The following PTCHD4 variants were observed in gnomAD, a reference collection of about 807,000 sequenced individuals.
The protein encoded by PTCHD4 is patched domain containing 4, also known as patched domain-containing protein 4.
PTCHD4 carries 33 observed loss-of-function variants against 58.1 expected under a neutral mutation model. That is an observed-to-expected ratio of 0.57 (90% CI 0.43 to 0.76). The LOEUF (loss-of-function observed/expected upper bound fraction) is 0.76. Ranked by LOEUF, PTCHD4 falls within the 30% of genes least tolerant of loss-of-function variation. PTCHD4 has a pLI of 0.00. For synonymous variants in PTCHD4, 478 were observed against 409.6 expected, an observed-to-expected ratio of 1.17 and a Z score of -2.02; for missense variants, 1,058 against 1,027.1, an observed-to-expected ratio of 1.03 and a Z score of -0.41.
chr6:48,092,267 A>G (rs2113903477), intron 1 of PTCHD4, among the ~76,000 whole-genome samples: 1 of 152,354 alleles, frequency 6.6e-6, no homozygotes, highest in Middle Eastern at 3.4e-3. Flanking sequence ...TATTATCCCT[A>G]GATGGTGTGG....
intron 4 of PTCHD4, among the ~76,000 whole-genome samples, chr6:48,004,596 A>G (rs1262630688): frequency 6.6e-6 from 1 of 152,192 alleles, no homozygotes; most frequent in Non-Finnish European, 1.5e-5. Flanking sequence ...TTAGGCTAGC[A>G]CTAAATGAGG....
chr6:47,885,152 A>G (rs1299122294), intron 4 of PTCHD4, among the ~76,000 whole-genome samples: 1 of 152,220 alleles, frequency 6.6e-6, no homozygotes, highest in Admixed American at 6.5e-5. Context: ...GATGACTAAT[A>G]TTTCCTTTAG....
intron 4 of PTCHD4, chr6:47,901,385 T>C: frequency 1.1e-6 from 1 of 935,960 alleles, no homozygotes; most frequent in Non-Finnish European, 1.3e-6. Context: ...AAGTGTTCAT[T>C]ACTCTTTCCT....
At chr6:47,960,600 C>T (rs1767046018) in intron 4 of PTCHD4, among the ~76,000 whole-genome samples, 1 of 151,822 alleles carries the variant, frequency 6.6e-6, no homozygotes, top group Admixed American at 6.6e-5. Context: ...AAGAATACCA[C>T]CAGGAATAAT....
intron 3 of PTCHD4, among the ~76,000 whole-genome samples, chr6:48,050,629 AT>A: frequency 6.6e-6 from 1 of 152,146 alleles, no homozygotes; most frequent in Admixed American, 6.6e-5. Context: ...CATGCACATT[AT>A]TTGGAGCAGG....
At chr6:48,065,297 A>C (rs2113874568) in intron 3 of PTCHD4, among the ~76,000 whole-genome samples, 1 of 152,274 alleles carries the variant, frequency 6.6e-6, no homozygotes, top group East Asian at 1.9e-4. Flanking sequence ...TTATTCTGCA[A>C]TTTCCTAATT....
intron 4 of PTCHD4, among the ~76,000 whole-genome samples, chr6:47,932,030 A>G (rs11754831): frequency 6.7e-6 from 1 of 150,190 alleles, no homozygotes; most frequent in Non-Finnish European, 1.5e-5. Flanking sequence ...ACTTGTATGC[A>G]CCATGGGGAC....
At chr6:48,045,392 C>A (rs1763998565) in intron 3 of PTCHD4, among the ~76,000 whole-genome samples, 1 of 151,716 alleles carries the variant, frequency 6.6e-6, no homozygotes, top group South Asian at 2.1e-4. Flanking sequence ...TTTCTAACAT[C>A]TCAGGTTTTG....
At chr6:47,971,345 AT>A in intron 4 of PTCHD4, among the ~76,000 whole-genome samples, 1 of 152,168 alleles carries the variant, frequency 6.6e-6, no homozygotes, top group Admixed American at 6.5e-5. Flanking sequence ...TAAAAAAAAA[AT>A]CCCTCTAGAA....
intron 4 of PTCHD4, among the ~76,000 whole-genome samples, chr6:47,996,507 C>T (rs1042867694): frequency 6.6e-6 from 1 of 152,040 alleles, no homozygotes; most frequent in African/African-American, 2.4e-5. Flanking sequence ...CCCGCAGTAC[C>T]CTCTGCACCC....
At chr6:48,108,420 G>A (rs2113920720) in intron 1 of PTCHD4, among the ~76,000 whole-genome samples, 1 of 152,178 alleles carries the variant, frequency 6.6e-6, no homozygotes, top group South Asian at 2.1e-4. Flanking sequence ...CATGGACACA[G>A]GAAGGGGAAC....
At chr6:47,964,680 GCAA>G (rs1767219402) in intron 4 of PTCHD4, among the ~76,000 whole-genome samples, 1 of 152,178 alleles carries the variant, frequency 6.6e-6, no homozygotes, top group African/African-American at 2.4e-5. Context: ...GTTGGTACCT[GCAA>G]CAACACTTCT....
At chr6:48,038,580 C>G (rs1056644345) in intron 3 of PTCHD4, among the ~76,000 whole-genome samples, 4 of 148,292 alleles carry the variant, frequency 2.7e-5, no homozygotes, top group African/African-American at 1.0e-4. Flanking sequence ...ACAGAGGTTG[C>G]AGTGAGCCAA....
chr6:47,861,544 A>G lies in PTCHD4; in HGVS notation c.*16759T>C, dbSNP rs554148509. 6.6e-6 allele frequency among the ~76,000 whole-genome samples: 1 copy of G among 151,962 alleles called. No individual in the cohort carries two copies. Among genetic ancestry groups the G allele is most frequent in the Non-Finnish European group, 1.5e-5 (1 of 67,926 alleles). ...GCCTTCCTATCTTACCATTTTGTCCAAAACACATCTAGTACTCATTGACAT... is the reference window on the plus strand; with the variant it reads ...GCCTTCCTATCTTACCATTTTGTCCGAAACACATCTAGTACTCATTGACAT... On this transcript the variant is annotated 3_prime_UTR_variant, in exon 5 of 5. Coordinates refer to ENST00000339488, the MANE Select transcript of PTCHD4 (RefSeq NM_001384253.1).
At chr6:47,921,945 T>TAAAAAAA in intron 4 of PTCHD4, among the ~76,000 whole-genome samples, 1 of 117,020 alleles carries the variant, frequency 8.5e-6, no homozygotes, top group East Asian at 2.4e-4. Flanking sequence ...ACACCTTGTC[T>TAAAAAAA]AAAAAAAAAA....
intron 4 of PTCHD4, among the ~76,000 whole-genome samples, chr6:47,929,196 AG>A (rs1490170237): frequency 6.6e-6 from 1 of 152,220 alleles, no homozygotes; most frequent in Non-Finnish European, 1.5e-5. Flanking sequence ...TGGCTAAGCA[AG>A]TAAAATAATC....
At chr6:48,083,610 G>A (rs1475097066) in intron 1 of PTCHD4, among the ~76,000 whole-genome samples, 1 of 152,164 alleles carries the variant, frequency 6.6e-6, no homozygotes, top group Non-Finnish European at 1.5e-5. Context: ...CTTTGAGACA[G>A]AGAACTTTCT....
intron 4 of PTCHD4, among the ~76,000 whole-genome samples, chr6:47,885,017 A>G (rs1212460161): frequency 6.6e-6 from 1 of 152,142 alleles, no homozygotes; most frequent in Admixed American, 6.5e-5. Context: ...TCCACAGTAT[A>G]TTTTTGATTT....
intron 4 of PTCHD4, among the ~76,000 whole-genome samples, chr6:47,990,376 G>A (rs893843817): frequency 1.3e-5 from 2 of 152,130 alleles, no homozygotes; most frequent in Non-Finnish European, 2.9e-5. Context: ...GGCCGGGGCA[G>A]AATGATATGG....
Sources: allele counts gnomAD v4.1 joint callset (sites outside exome capture counted in the v4.1 genomes callset), GRCh38; gene constraint gnomAD v4.1.1; transcripts MANE v1.5; gene names NCBI Gene and HGNC (gene_info 2026-07-23, HGNC 2026-07-21).